Variants in PRKAG2 observed in about 807,000 individuals in gnomAD.
The protein encoded by PRKAG2 is 5'-AMP-activated protein kinase subunit gamma-2.
Under a neutral mutation model 69.6 loss-of-function variants are expected in PRKAG2, and 26 were observed. The observed-to-expected ratio is 0.37, with a 90% CI of 0.27 to 0.52. PRKAG2 has a LOEUF of 0.52. PRKAG2 is among the 20% of genes least tolerant of loss of function. The pLI is 0.90. For synonymous variants in PRKAG2, 293 were observed against 285.0 expected (o/e 1.03, Z -0.28); for missense variants, 557 against 740.0 (o/e 0.75, Z 2.87).
chr7:151,685,228 T>A (rs1834541619), intron 3 of PRKAG2, among the ~76,000 whole-genome samples: 1 of 152,170 alleles, frequency 6.6e-6, no homozygotes, highest in Non-Finnish European at 1.5e-5. Context: ...GAATGATCCA[T>A]TCAACCTGAA....
chr7:151,693,561 T>C (rs1836051182), intron 3 of PRKAG2, among the ~76,000 whole-genome samples: 1 of 152,268 alleles, frequency 6.6e-6, no homozygotes, highest in Admixed American at 6.5e-5. Context: ...ATACTGAGTA[T>C]AAAAATATTT....
In PRKAG2 at chr7:151,777,422, T is replaced by G. The variant is rs1198683548; in HGVS notation, c.466+3730A>C. Among the ~76,000 whole-genome samples the G allele has an allele frequency of 6.6e-6, 1 of 152,174 alleles. No homozygotes were observed. The highest frequency in any genetic ancestry group is 1.5e-5 in the Non-Finnish European group (1 of 68,020). The stretch of plus-strand genomic sequence containing the variant: ...GAGGTGGGGCCCCGTGGGAGGTGTT[T>G]GGGTCCTGGGGGCAGATGCCTCATG... On this transcript the variant is annotated intron_variant, in intron 3 of 15. Coordinates refer to ENST00000287878, the MANE Select transcript of PRKAG2 (RefSeq NM_016203.4). The surrounding 1 kb of genome is among the most constrained non-coding windows in gnomAD (Gnocchi z 4.3).
chr7:151,754,628 C>G (rs932222373), intron 3 of PRKAG2, among the ~76,000 whole-genome samples: 1 of 152,178 alleles, frequency 6.6e-6, no homozygotes, highest in Non-Finnish European at 1.5e-5. Flanking sequence ...GACCCAGGGC[C>G]CTTTGTACAA....
At chr7:151,786,206 C>G (rs1306520456) in intron 2 of PRKAG2, among the ~76,000 whole-genome samples, 1 of 152,186 alleles carries the variant, frequency 6.6e-6, no homozygotes, top group Non-Finnish European at 1.5e-5. Flanking sequence ...TTAGGGGGGT[C>G]TAGTGGGCCA....
chr7:151,866,207 C>T (rs890113989), intron 1 of PRKAG2, among the ~76,000 whole-genome samples: 5 of 152,068 alleles, frequency 3.3e-5, no homozygotes, highest in East Asian at 1.9e-4. Context: ...CTGGGCCCAC[C>T]GTCCAGCCTC....
At chr7:151,677,086 C>T (rs534250282) in intron 3 of PRKAG2, among the ~76,000 whole-genome samples, 4 of 152,174 alleles carry the variant, frequency 2.6e-5, no homozygotes, top group South Asian at 4.1e-4. Context: ...GCCACTCAGT[C>T]GGTGGCACTT....
At chr7:151,834,108 G>C (rs2079096454) in intron 1 of PRKAG2, among the ~76,000 whole-genome samples, 1 of 152,160 alleles carries the variant, frequency 6.6e-6, no homozygotes, top group Admixed American at 6.5e-5. Context: ...TTCCCCGACA[G>C]CAGTTAAATG....
intron 5 of PRKAG2, among the ~76,000 whole-genome samples, chr7:151,623,499 C>T (rs1822060447): frequency 6.6e-6 from 1 of 151,598 alleles, no homozygotes; most frequent in South Asian, 2.1e-4. Context: ...AGGCGGAGCT[C>T]GGGAGGTAAT....
At position 151,610,545 on chromosome 7, in the gene PRKAG2, T is replaced by C. The variant is rs547469753; in HGVS notation, c.755-15091A>G. On this transcript the variant is annotated intron_variant, in intron 5 of 15. Coordinates refer to ENST00000287878, the MANE Select transcript of PRKAG2 (RefSeq NM_016203.4). Reference sequence around the variant, plus strand: ...TACAAAAATTAGCTGGGCGTGGTGGTGCGCACCTGTAGTCTCAGCTACTCT... The same window carrying C: ...TACAAAAATTAGCTGGGCGTGGTGGCGCGCACCTGTAGTCTCAGCTACTCT... Among the ~76,000 whole-genome samples, 683 of 151,310 alleles carry C rather than the reference T, an allele frequency of 4.5e-3. 2 individuals carry two copies. The highest frequency in any genetic ancestry group is 0.016 in the African/African-American group (654 of 41,254).
intron 1 of PRKAG2, among the ~76,000 whole-genome samples, chr7:151,822,240 G>A (rs1036014658): frequency 1.3e-5 from 2 of 152,168 alleles, no homozygotes; most frequent in Middle Eastern, 3.2e-3. Context: ...AACTGCCACC[G>A]CCCTAGGAGG....
At chr7:151,679,144 G>A (rs1166400993) in intron 3 of PRKAG2, among the ~76,000 whole-genome samples, 4 of 152,074 alleles carry the variant, frequency 2.6e-5, no homozygotes, top group Non-Finnish European at 1.5e-5. Context: ...CAAAAGGGCT[G>A]CCGGCCCATC....
In PRKAG2 at chr7:151,739,047, C is replaced by T. The variant is rs556684922; in HGVS notation, c.466+42105G>A. On this transcript the variant is annotated intron_variant, in intron 3 of 15. Transcript: ENST00000287878. ...GGGGCCTCCATCCACAGAAGCCAAC[C>T]GGGTTCGGGTCTCCCCAGCTGAGCT... Among the ~76,000 whole-genome samples, 15 of 152,300 alleles carry T rather than the reference C, an allele frequency of 9.8e-5. No individual in the cohort carries two copies. The East Asian group carries it at 2.3e-3, about 23-fold the overall frequency.
intron 6 of PRKAG2, among the ~76,000 whole-genome samples, chr7:151,590,772 A>G (rs1422284768): frequency 6.6e-6 from 1 of 152,252 alleles, no homozygotes; most frequent in Non-Finnish European, 1.5e-5. Flanking sequence ...AGAAGTATGT[A>G]TGGGAATAGG....
chr7:151,750,810 G>A (rs903456108), intron 3 of PRKAG2, among the ~76,000 whole-genome samples: 20 of 151,976 alleles, frequency 1.3e-4, no homozygotes, highest in Admixed American at 9.8e-4. Context: ...GGGCCCAGGA[G>A]GCAGAGGTTG....
chr7:151,730,307 GA>G (rs1364999880), intron 3 of PRKAG2, among the ~76,000 whole-genome samples: 1 of 152,194 alleles, frequency 6.6e-6, no homozygotes, highest in African/African-American at 2.4e-5. Context: ...GAGAATGACA[GA>G]ACCTGTCATT....
rs1227002684 is a variant in PRKAG2, at chr7:151,570,207, G to A, written c.1070C>T (p.Thr357Ile). Residue 357 changes from threonine to isoleucine, a missense_variant, in exon 10 of 16, where the codon ACA becomes ATA. By Grantham distance (89) the Thr-to-Ile change is moderately conservative (BLOSUM62 -1). Around this residue, in one of 2 missense-constraint regions of PRKAG2, gnomAD observed 205 missense variants for 383.4 expected, o/e 0.53. Transcript: ENST00000287878. ...AGATATATTCACTAAAGGCTTAAAT[G>A]TTTCTTGTAAATAAAGCTCTGTATT... ...ETWRELYLQE[T>I]FKPLVNISPD... The A allele has an allele frequency of 2.5e-6, 4 of 1,602,192 alleles. No homozygotes were observed. The highest frequency in any genetic ancestry group is 3.4e-6 in the Non-Finnish European group (4 of 1,172,024).
intron 1 of PRKAG2, among the ~76,000 whole-genome samples, chr7:151,816,968 G>A (rs1283289665): frequency 3.3e-5 from 5 of 152,202 alleles, no homozygotes; most frequent in East Asian, 1.9e-4. Context: ...CTTATGGGGT[G>A]TGATGATGCT....
Position 151,680,277 on chromosome 7 carries a change from C to T in PRKAG2, c.467-4640G>A, listed in dbSNP as rs542647940. Reference sequence around the variant, plus strand: ...TGTCGGCTTATTCATTACCATGGTGCTTTTAAAAGCAGAGCCTGGAGACGC... The same window carrying T: ...TGTCGGCTTATTCATTACCATGGTGTTTTTAAAAGCAGAGCCTGGAGACGC... On this transcript the variant is annotated intron_variant, in intron 3 of 15. Coordinates refer to ENST00000287878, the MANE Select transcript of PRKAG2 (RefSeq NM_016203.4). 2.6e-5 allele frequency among the ~76,000 whole-genome samples: 4 copies of T among 152,226 alleles called. No homozygotes were observed. In the South Asian group the frequency reaches 6.2e-4, roughly 24 times the overall value.
Position 151,632,586 on chromosome 7 carries a change from G to A in PRKAG2, c.685-448C>T. On this transcript the variant is annotated intron_variant, in intron 4 of 15. Coordinates refer to ENST00000287878, the MANE Select transcript of PRKAG2 (RefSeq NM_016203.4). The surrounding 1 kb of genome is among the most constrained non-coding windows in gnomAD (Gnocchi z 4.2). ...CGCCGCTCACCTTCCCAGCACCGGC[G>A]GCCGCGCTCGGCAGGCTCCACCTGC... 7 of 983,866 alleles carry A rather than the reference G, an allele frequency of 7.1e-6. No individual in the cohort carries two copies. The highest frequency in any genetic ancestry group is 8.4e-6 in the Non-Finnish European group (7 of 828,882). 60.9% of individuals were successfully genotyped at this position (983,866 alleles called of 1,614,324 possible). A position where few individuals can be genotyped will look rare whatever the true frequency, so the allele number is the denominator to read the frequency against.
Sources: gnomAD v4.1 joint callset for allele counts (sites outside exome capture counted in the v4.1 genomes callset) on GRCh38, gnomAD v4.1.1 for gene constraint, gnomAD v4.1.1 regional missense constraint, Gnocchi (gnomAD v3.1) non-coding constraint, MANE v1.5 for transcripts, NCBI Gene and HGNC (gene_info 2026-07-23, HGNC 2026-07-21) for gene names.